The following ECE2 variants were observed in gnomAD, a reference collection of about 807,000 sequenced individuals.
ECE2 encodes the protein endothelin converting enzyme 2.
In ECE2, 81 loss-of-function variants were observed where a neutral mutation model predicts 100.6. The ratio of observed to expected loss-of-function variants is 0.81; its 90% CI spans 0.67 to 0.97. The LOEUF (loss-of-function observed/expected upper bound fraction) is 0.97, where lower values mean the gene tolerates loss of function less well. Among genes scored for constraint, ECE2 ranks in the 50% least tolerant of loss-of-function variants. The pLI, the probability that ECE2 is intolerant of heterozygous loss-of-function variation, is 0.00. For synonymous variants in ECE2, 391 were observed against 391.5 expected, an observed-to-expected ratio of 1.00 and a Z score of 0.02; for missense variants, 911 against 988.1, an observed-to-expected ratio of 0.92 and a Z score of 1.05.
At chr3:184,280,156 G>A (rs1720757704) in intron 7 of ECE2, among the ~76,000 whole-genome samples, 1 of 152,142 alleles carries the variant, frequency 6.6e-6, no homozygotes, top group Non-Finnish European at 1.5e-5. Flanking sequence ...AATTAGGGGT[G>A]TCTCTAGGAA....
rs1720529533 is a variant in ECE2, at chr3:184,276,086, CCGGGGCCGCGGCCCGGGAG to C, written c.-63_-45del. On this transcript the variant is annotated 5_prime_UTR_variant, in exon 1 of 19. An upstream open reading frame in the 5' UTR loses its in-frame stop. Coordinates refer to ENST00000404464, the MANE Select transcript of ECE2 (RefSeq NM_001100121.2). ...GGTGACGGCGGGGCCGGGCAGGGGA[CCGGGGCCGCGGCCCGGGAG>C]CGGGCCAGCTGCCGGGAGCCCTGAA... 5 of 1,248,840 alleles carry C rather than the reference CCGGGGCCGCGGCCCGGGAG, an allele frequency of 4.0e-6. No individual in the cohort carries two copies. Among genetic ancestry groups the C allele is most frequent in the Non-Finnish European group, 5.0e-6 (5 of 997,578 alleles). The allele number at this position is 1,248,840 out of a possible 1,614,324, so 77.4% of individuals were successfully genotyped here.
Position 184,277,009 on chromosome 3 carries a change from G to A in ECE2, c.244G>A (p.Gly82Arg), listed in dbSNP as rs771468154. ...GCTTCTGGGCTGCCTTGTGGCCCTA[G>A]GGGTCCAGTACCACAGAGGTAGGTG... The part of the protein sequence containing the change: ...ALLLGCLVAL[G>R]VQYHRDPSHS... Residue 82 changes from glycine to arginine, a missense_variant, in exon 3 of 19, where the codon GGG becomes AGG. Coordinates refer to ENST00000404464, the MANE Select transcript of ECE2 (RefSeq NM_001100121.2). The A allele has an allele frequency of 8.7e-6, 14 of 1,613,892 alleles. No homozygotes were observed. The highest frequency in any genetic ancestry group is 3.3e-5 in the Admixed American group (2 of 59,986).
intron 7 of ECE2, among the ~76,000 whole-genome samples, chr3:184,281,637 G>A (rs1720817821): frequency 6.6e-6 from 1 of 152,266 alleles, no homozygotes; most frequent in Non-Finnish European, 1.5e-5. Context: ...TGAGTCAGGG[G>A]AGGAGATAAT....
chr3:184,282,311 C>T (rs989066263), intron 7 of ECE2, among the ~76,000 whole-genome samples: 1 of 152,100 alleles, frequency 6.6e-6, no homozygotes, highest in Non-Finnish European at 1.5e-5. Context: ...AGGTGAGAGA[C>T]AGGAGGAATT....
rs1721325525 is a variant in ECE2, at chr3:184,291,609, G to T, written c.2121+170G>T. ...ATGCCCAGAGCCTCCGGCCAGCCAG[G>T]GCCCACAAAGGCAGCCTGAAGAGGC... On this transcript the variant is annotated intron_variant, in intron 18 of 18. Coordinates refer to ENST00000404464, the MANE Select transcript of ECE2 (RefSeq NM_001100121.2). The surrounding 1 kb of genome is among the most constrained non-coding windows in gnomAD (Gnocchi z 4.1). 1.6e-6 allele frequency: 1 copy of T among 625,736 alleles called. No individual in the cohort carries two copies. Among genetic ancestry groups the T allele is most frequent in the Non-Finnish European group, 2.7e-6 (1 of 376,240 alleles). The allele number at this position is 625,736 out of a possible 1,614,324, so 38.8% of individuals were successfully genotyped here. A position where few individuals can be genotyped will look rare whatever the true frequency, so the allele number is the denominator to read the frequency against.
At chr3:184,284,919 G>GGT in intron 8 of ECE2, 44 bp from the exon 9 acceptor site, 1 of 1,599,256 alleles carries the variant, frequency 6.3e-7, no homozygotes, top group Non-Finnish European at 8.5e-7. Flanking sequence ...GGGTTCTGCT[G>GGT]GAAGCGAGTC....
chr3:184,291,014 G>A lies in ECE2; in HGVS notation c.1835-26G>A, dbSNP rs1380000528. 1.3e-6 allele frequency: 2 copies of A among 1,551,086 alleles called. No homozygotes were observed. Among genetic ancestry groups the A allele is most frequent in the Admixed American group, 2.0e-5 (1 of 50,676 alleles). On this transcript the variant is annotated intron_variant, in intron 16 of 18. Coordinates refer to ENST00000404464, the MANE Select transcript of ECE2 (RefSeq NM_001100121.2). The surrounding 1 kb of genome is among the most constrained non-coding windows in gnomAD (Gnocchi z 4.1). The stretch of plus-strand genomic sequence containing the variant: ...CCAAGAGACGAGCTCTGGTTTTGGT[G>A]GGGTGCAAAGGTGAGTTCTCCTCAG...
At chr3:184,278,425 C>A (rs843372) in intron 6 of ECE2, 67 bp from the exon 7 acceptor site, 70 of 1,592,218 alleles carry the variant, frequency 4.4e-5, no homozygotes, top group Middle Eastern at 1.9e-4. Context: ...CCCCTACCCC[C>A]GCTCGGGAAT....
chr3:184,279,869 G>T (rs1424092362), intron 7 of ECE2, among the ~76,000 whole-genome samples: 2 of 152,222 alleles, frequency 1.3e-5, no homozygotes, highest in East Asian at 1.9e-4. Flanking sequence ...GGGAGGGAGC[G>T]CAGTGCTTTG....
chr3:184,283,561 C>CAAAAAAAAAAAAAAAAAAA, intron 7 of ECE2, among the ~76,000 whole-genome samples: 1 of 53,086 alleles, frequency 1.9e-5, no homozygotes, highest in Non-Finnish European at 3.2e-5. Flanking sequence ...GACTCCATCT[C>CAAAAAAAAAAAAAAAAAAA]AAAAAAAAAA....
intron 7 of ECE2, among the ~76,000 whole-genome samples, chr3:184,283,285 G>C (rs372651071): frequency 2.6e-5 from 4 of 152,096 alleles, no homozygotes; most frequent in Non-Finnish European, 4.4e-5. Context: ...ACATGGCCGG[G>C]TGCAGTGGCT....
Position 184,291,160 on chromosome 3 carries a change from A to C in ECE2, c.1955A>C (p.Glu652Ala). ...TACAATCAATACCAGGTCAATGGGG[A>C]GAGGCTCAACGGCCGCCAGACGCTG... Reference protein sequence around the residue: ...EQYNQYQVNGERLNGRQTLGE... With the variant: ...EQYNQYQVNGARLNGRQTLGE... Residue 652 changes from glutamate (E) to alanine (A), a missense_variant, in exon 17 of 19, where the codon GAG (glutamate) becomes GCG (alanine). By Grantham distance (107) the Glu-to-Ala change is moderately radical. Transcript: ENST00000404464. This position sits in a 1 kb window ranked among gnomAD's most constrained non-coding sequence, Gnocchi z 4.1. 6.2e-7 allele frequency: 1 copy of C among 1,613,874 alleles called. No homozygotes were observed. Among genetic ancestry groups the C allele is most frequent in the Admixed American group, 1.7e-5 (1 of 59,928 alleles).
At chr3:184,278,663 C>T (rs1055623360) in intron 7 of ECE2, 106 bp downstream of exon 7, 64 of 1,189,056 alleles carry the variant, frequency 5.4e-5, no homozygotes, top group Non-Finnish European at 7.8e-5. Flanking sequence ...GTGAGCCTAT[C>T]CTGTCACCTA....
intron 7 of ECE2, among the ~76,000 whole-genome samples, chr3:184,280,978 C>CAA (rs879881453): frequency 9.1e-6 from 1 of 110,428 alleles, no homozygotes; most frequent in East Asian, 2.5e-4. Flanking sequence ...GACTCTGTCT[C>CAA]AAAAAAAAAA....
At chr3:184,288,035 G>C in intron 11 of ECE2, 88 bp downstream of exon 11, 1 of 1,267,492 alleles carries the variant, frequency 7.9e-7, no homozygotes. Context: ...CGGGAGCCAG[G>C]CGCGGTGGCT....
intron 7 of ECE2, among the ~76,000 whole-genome samples, chr3:184,281,969 C>T (rs1009855264): frequency 1.3e-5 from 2 of 152,138 alleles, no homozygotes; most frequent in African/African-American, 2.4e-5. Context: ...CGTGGTGGCC[C>T]GCGCCTGTAA....
rs116931797 is a variant in ECE2, at chr3:184,278,665, T to C, written c.816+108T>C. ...CAGAGCAGGGAAGGTGAGCCTATCCTGTCACCTAGTGAACAAACTGCCCCT... is the reference window on the plus strand; with the variant it reads ...CAGAGCAGGGAAGGTGAGCCTATCCCGTCACCTAGTGAACAAACTGCCCCT... On this transcript the variant is annotated intron_variant, in intron 7 of 18. Transcript: ENST00000404464. 3.9e-4 allele frequency: 437 copies of C among 1,126,082 alleles called. 4 individuals are homozygous for C. The East Asian group carries it at 9.2e-3, about 24-fold the overall frequency. The allele number at this position is 1,126,082 out of a possible 1,614,324, so 69.8% of individuals were successfully genotyped here. A position where few individuals can be genotyped will look rare whatever the true frequency, so the allele number is the denominator to read the frequency against.
In ECE2 at chr3:184,291,627, G is replaced by C. The variant is rs963162156; in HGVS notation, c.2121+188G>C. On this transcript the variant is annotated intron_variant, in intron 18 of 18. Coordinates refer to ENST00000404464, the MANE Select transcript of ECE2 (RefSeq NM_001100121.2). This position sits in a 1 kb window ranked among gnomAD's most constrained non-coding sequence, Gnocchi z 4.1. Reference sequence around the variant, plus strand: ...CAGCCAGGGCCCACAAAGGCAGCCTGAAGAGGCCTGAGCGGGAGAATGCCT... The same window carrying C: ...CAGCCAGGGCCCACAAAGGCAGCCTCAAGAGGCCTGAGCGGGAGAATGCCT... 4 of 574,064 alleles carry C rather than the reference G, an allele frequency of 7.0e-6. No individual in the cohort carries two copies. Among genetic ancestry groups the C allele is most frequent in the Non-Finnish European group, 1.2e-5 (4 of 331,416 alleles). The allele number at this position is 574,064 out of a possible 1,614,324, so 35.6% of individuals were successfully genotyped here.
At chr3:184,287,652 AC>A (rs1323648597) in intron 10 of ECE2, among the ~76,000 whole-genome samples, 184 bp from the exon 11 acceptor site, 1 of 152,124 alleles carries the variant, frequency 6.6e-6, no homozygotes, top group East Asian at 1.9e-4. Context: ...CAGTGATTGC[AC>A]CACTATACTC....
Sources: gnomAD v4.1 joint callset for allele counts (sites outside exome capture counted in the v4.1 genomes callset) on GRCh38, gnomAD v4.1.1 for gene constraint, Gnocchi (gnomAD v3.1) non-coding constraint, MANE v1.5 for transcripts, NCBI Gene and HGNC (gene_info 2026-07-23, HGNC 2026-07-21) for gene names.